Variants in ABCA13 observed in about 807,000 individuals in gnomAD.
The protein encoded by ABCA13 is ATP binding cassette subfamily A member 13, also known as ATP-binding cassette sub-family A member 13.
Under a neutral mutation model 478.7 loss-of-function variants are expected in ABCA13, and 476 were observed. The ratio of observed to expected loss-of-function variants is 0.99; its 90% CI spans 0.92 to 1.07. The LOEUF is 1.07. ABCA13 is among the 50% of genes least tolerant of loss of function. The pLI is 0.00. For missense variants in ABCA13, 6,060 were observed against 5,910.6 expected, an observed-to-expected ratio of 1.03 and a Z score of -0.83; for synonymous variants, 2,252 against 2,158.9, an observed-to-expected ratio of 1.04 and a Z score of -1.20.
At chr7:48,220,229 T>C (rs980655248) in intron 4 of ABCA13, among the ~76,000 whole-genome samples, 9 of 152,132 alleles carry the variant, frequency 5.9e-5, no homozygotes, top group African/African-American at 2.2e-4. Context: ...GCCAGTTGCC[T>C]CTCTTCACAT....
intron 51 of ABCA13, among the ~76,000 whole-genome samples, chr7:48,513,232 C>T (rs537308519): frequency 6.6e-6 from 1 of 152,186 alleles, no homozygotes; most frequent in Non-Finnish European, 1.5e-5. Context: ...GAGCTGAAAC[C>T]TAAGAGCACG....
At chr7:48,593,242 T>TTGTG (rs35781047) in intron 57 of ABCA13, among the ~76,000 whole-genome samples, 10 of 147,802 alleles carry the variant, frequency 6.8e-5, no homozygotes, top group South Asian at 2.1e-4. Flanking sequence ...TTTTTTTCTT[T>TTGTG]TGTGTGTGTG....
chr7:48,367,543 A>G (rs1387039720), intron 31 of ABCA13, among the ~76,000 whole-genome samples: 1 of 152,098 alleles, frequency 6.6e-6, no homozygotes, highest in Non-Finnish European at 1.5e-5. Context: ...GTCAGAGAGT[A>G]TTGTGGTTGG....
chr7:48,350,688 T>C lies in ABCA13; in HGVS notation c.10250T>C (p.Phe3417Ser), dbSNP rs772744753. ...EMFNHAGAGR[F>S]RFLGSILVNL... is the part of the protein sequence containing the mutation. ...TTTAACCATGCAGGCGCTGGACGCTTCCGTTTCTTGGGCAGCATCTTGGTC... is the reference window on the plus strand; with the variant it reads ...TTTAACCATGCAGGCGCTGGACGCTCCCGTTTCTTGGGCAGCATCTTGGTC... Residue 3417 changes from phenylalanine (F) to serine (S), a missense_variant, in exon 30 of 62, where the codon TTC becomes TCC. By Grantham distance (155) the Phe-to-Ser change is radical. Around this residue, in one of 3 missense-constraint regions of ABCA13, gnomAD observed 4,423 missense variants for 4,309.1 expected, o/e 1.03. Coordinates refer to ENST00000435803, the MANE Select transcript of ABCA13 (RefSeq NM_152701.5). 1.2e-6 allele frequency: 2 copies of C among 1,613,972 alleles called. No homozygotes were observed. The highest frequency in any genetic ancestry group is 2.7e-5 in the African/African-American group (2 of 75,054).
intron 48 of ABCA13, among the ~76,000 whole-genome samples, chr7:48,489,609 A>T (rs1829663527): frequency 6.6e-6 from 1 of 152,222 alleles, no homozygotes. Context: ...CTCTCCTAAA[A>T]TTATTTTATT....
At position 48,273,542 on chromosome 7, in the gene ABCA13, C is replaced by T. The variant is rs1343549826; in HGVS notation, c.3876C>T (p.Ser1292=). Residue 1292 remains serine (S), a synonymous_variant, in exon 17 of 62, where the codon AGC becomes AGT. Transcript: ENST00000435803. ...TGCTTGAAGTTTTCATTGAGTTTAG[C>T]AGTACCTCAGAATATATAGTCAGAA... ...NSLLEVFIEF[S]STSEYIVRNL... 22 of 1,582,940 alleles carry T rather than the reference C, an allele frequency of 1.4e-5. No homozygotes were observed. The highest frequency in any genetic ancestry group is 1.8e-5 in the Admixed American group (1 of 54,664).
chr7:48,638,064 G>C (rs954325977), intron 59 of ABCA13, among the ~76,000 whole-genome samples: 2 of 152,310 alleles, frequency 1.3e-5, no homozygotes, highest in Non-Finnish European at 1.5e-5. Context: ...CACTGAATTA[G>C]TACTGAATGG....
At chr7:48,208,131 G>T (rs1429868492) in intron 3 of ABCA13, among the ~76,000 whole-genome samples, 1 of 151,964 alleles carries the variant, frequency 6.6e-6, no homozygotes, top group Non-Finnish European at 1.5e-5. Context: ...TGGGTTCTCT[G>T]TTCTGTTCCA....
In ABCA13 at chr7:48,645,695, C is replaced by T. The variant is rs191441157; in HGVS notation, c.*183C>T. On this transcript the variant is annotated 3_prime_UTR_variant, in exon 62 of 62. Transcript: ENST00000435803. ...GTTAATAACCACCAAATGGAAAGGT[C>T]ATTCTTTCTGCAGACTTTTGGGGAG... The T allele has an allele frequency of 2.1e-3, 1,177 of 569,370 alleles. 7 individuals carry two copies. Among genetic ancestry groups the T allele is most frequent in the Non-Finnish European group, 1.8e-3 (599 of 330,590 alleles). The allele number at this position is 569,370 out of a possible 1,614,324, so 35.3% of individuals were successfully genotyped here.
intron 35 of ABCA13, among the ~76,000 whole-genome samples, chr7:48,383,218 C>A (rs548683182): frequency 6.6e-6 from 1 of 152,294 alleles, no homozygotes; most frequent in East Asian, 1.9e-4. Flanking sequence ...AGCTCCATTG[C>A]AAGAAACTGG....
At chr7:48,338,986 A>G (rs1203954523) in intron 29 of ABCA13, among the ~76,000 whole-genome samples, 2 of 152,228 alleles carry the variant, frequency 1.3e-5, no homozygotes, top group Non-Finnish European at 2.9e-5. Context: ...CTGTTCCACC[A>G]TGCAGTGCAG....
intron 59 of ABCA13, among the ~76,000 whole-genome samples, chr7:48,620,603 C>A (rs1344032519): frequency 6.6e-6 from 1 of 152,160 alleles, no homozygotes; most frequent in Non-Finnish European, 1.5e-5. Context: ...GGGTGAGAAC[C>A]ACTGTCTCAG....
intron 42 of ABCA13, among the ~76,000 whole-genome samples, chr7:48,435,904 A>G (rs1266161770): frequency 6.6e-6 from 1 of 150,782 alleles, no homozygotes; most frequent in Non-Finnish European, 1.5e-5. Context: ...TATACTGTCA[A>G]ATTTGGTATG....
At position 48,372,508 on chromosome 7, in the gene ABCA13, TG is replaced by T; in HGVS notation, c.11133+12del. 5 of 1,498,800 alleles carry T rather than the reference TG, an allele frequency of 3.3e-6. No homozygotes were observed. Among genetic ancestry groups the T allele is most frequent in the East Asian group, 2.3e-5 (1 of 43,450 alleles). The allele number at this position is 1,498,800 out of a possible 1,614,324, so 92.8% of individuals were successfully genotyped here. ...AATCAGACATTTCTGGTAAGTAAGTTGTTTTGTAAAAAAAAAAAAAAAAAAC... is the reference window on the plus strand; with the variant it reads ...AATCAGACATTTCTGGTAAGTAAGTTTTTTGTAAAAAAAAAAAAAAAAAAC... On this transcript the variant is annotated intron_variant, in intron 33 of 61. Coordinates refer to ENST00000435803, the MANE Select transcript of ABCA13 (RefSeq NM_152701.5).
At chr7:48,284,986 T>G (rs1057203857) in intron 19 of ABCA13, among the ~76,000 whole-genome samples, 2 of 152,152 alleles carry the variant, frequency 1.3e-5, no homozygotes, top group South Asian at 4.1e-4. Flanking sequence ...CAGAGTTGAG[T>G]TCAGTATCTC....
At chr7:48,451,904 C>T (rs1825089682) in intron 42 of ABCA13, among the ~76,000 whole-genome samples, 1 of 152,140 alleles carries the variant, frequency 6.6e-6, no homozygotes, top group Non-Finnish European at 1.5e-5. Context: ...AAACTAGAGT[C>T]CTTGAATATA....
At chr7:48,509,763 T>C (rs1831515656) in intron 50 of ABCA13, among the ~76,000 whole-genome samples, 2 of 152,126 alleles carry the variant, frequency 1.3e-5, no homozygotes, top group South Asian at 4.1e-4. Context: ...CCCCCAAAAT[T>C]CATGTTGACA....
At chr7:48,382,855 A>G (rs542268506) in intron 35 of ABCA13, among the ~76,000 whole-genome samples, 3 of 151,758 alleles carry the variant, frequency 2.0e-5, no homozygotes, top group Non-Finnish European at 4.4e-5. Context: ...GTACCACTAG[A>G]GGGTGTGACT....
chr7:48,533,761 T>C (rs1833394467), intron 55 of ABCA13, among the ~76,000 whole-genome samples: 1 of 152,178 alleles, frequency 6.6e-6, no homozygotes, highest in African/African-American at 2.4e-5. Flanking sequence ...TCTTTATCTT[T>C]TTTTTAACTG....
Sources: allele counts gnomAD v4.1 joint callset (sites outside exome capture counted in the v4.1 genomes callset), GRCh38; gene constraint gnomAD v4.1.1; regional missense constraint gnomAD v4.1.1; transcripts MANE v1.5; gene names NCBI Gene and HGNC (gene_info 2026-07-23, HGNC 2026-07-21).